The following SUCLG2 variants were observed in gnomAD, a reference collection of about 807,000 sequenced individuals.
SUCLG2 encodes the protein succinate-CoA ligase GDP-forming subunit beta, also known as succinate--CoA ligase [GDP-forming] subunit beta, mitochondrial.
In SUCLG2, 42 loss-of-function variants were observed where a neutral mutation model predicts 47.9. The observed-to-expected ratio is 0.88, with a 90% CI of 0.69 to 1.14. The LOEUF (loss-of-function observed/expected upper bound fraction) is 1.14. Among genes scored for constraint, SUCLG2 ranks in the 50% most tolerant of loss-of-function variants. SUCLG2 has a pLI of 0.00. For synonymous variants in SUCLG2, 195 were observed against 197.3 expected, an observed-to-expected ratio of 0.99 and a Z score of 0.10; for missense variants, 571 against 525.9, an observed-to-expected ratio of 1.09 and a Z score of -0.84.
intron 1 of SUCLG2, among the ~76,000 whole-genome samples, chr3:67,611,941 G>A (rs1199017605): frequency 1.3e-5 from 2 of 152,072 alleles, no homozygotes; most frequent in East Asian, 1.9e-4. Flanking sequence ...GATGACACCC[G>A]GCTATCACTC....
chr3:67,451,520 C>T (rs4515061), intron 9 of SUCLG2, among the ~76,000 whole-genome samples: 87,728 of 151,942 alleles, frequency 0.58, 25,488 homozygotes, highest in Non-Finnish European at 0.59. Flanking sequence ...AGGCTAGGTA[C>T]AGGCAAATTC....
chr3:67,491,460 G>A (rs1313356588), intron 9 of SUCLG2, among the ~76,000 whole-genome samples: 6 of 149,756 alleles, frequency 4.0e-5, no homozygotes, highest in Non-Finnish European at 7.4e-5. Context: ...CGCCTCCTGC[G>A]TTCAAGCAAT....
At chr3:67,579,425 C>T (rs1050558172) in intron 2 of SUCLG2, among the ~76,000 whole-genome samples, 1 of 152,200 alleles carries the variant, frequency 6.6e-6, no homozygotes, top group African/African-American at 2.4e-5. Context: ...TAATCATAGG[C>T]TAACACCCTG....
intron 9 of SUCLG2, among the ~76,000 whole-genome samples, chr3:67,466,896 A>T (rs1021339121): frequency 6.6e-6 from 1 of 152,266 alleles, no homozygotes; most frequent in African/African-American, 2.4e-5. Flanking sequence ...CTGCTTACAA[A>T]GGGAGGCAGC....
intron 10 of SUCLG2, among the ~76,000 whole-genome samples, chr3:67,369,010 AGAAAACTCTTCACT>A (rs1701915942): frequency 1.3e-5 from 2 of 152,164 alleles, no homozygotes; most frequent in Admixed American, 6.6e-5. Context: ...CATTTTGGGT[AGAAAACTCTTCACT>A]GAGGGTGGGG....
At chr3:67,609,871 A>G (rs1700497314) in intron 1 of SUCLG2, among the ~76,000 whole-genome samples, 2 of 152,224 alleles carry the variant, frequency 1.3e-5, no homozygotes, top group African/African-American at 4.8e-5. Flanking sequence ...TAATACACAA[A>G]TATCAATGTC....
chr3:67,591,132 C>A (rs1227235178), intron 2 of SUCLG2, among the ~76,000 whole-genome samples: 1 of 152,140 alleles, frequency 6.6e-6, no homozygotes, highest in East Asian at 1.9e-4. Flanking sequence ...AAATATACCC[C>A]TGGGGCTGTT....
intron 1 of SUCLG2, among the ~76,000 whole-genome samples, chr3:67,636,729 C>A (rs1441531415): frequency 6.6e-6 from 1 of 151,958 alleles, no homozygotes; most frequent in African/African-American, 2.4e-5. Context: ...ATCTCCTGAC[C>A]TCGTGATCTG....
At chr3:67,408,114 C>A (rs1009464139) in intron 9 of SUCLG2, among the ~76,000 whole-genome samples, 1 of 152,116 alleles carries the variant, frequency 6.6e-6, no homozygotes, top group Non-Finnish European at 1.5e-5. Context: ...TCGATTGGGA[C>A]CAGATTTGCC....
At position 67,577,513 on chromosome 3, in the gene SUCLG2, G is replaced by A. The variant is rs538608507; in HGVS notation, c.226+31942C>T. Among the ~76,000 whole-genome samples the A allele has an allele frequency of 7.2e-5, 11 of 152,268 alleles. No homozygotes were observed. The South Asian group carries it at 2.1e-3, about 29-fold the overall frequency. On this transcript the variant is annotated intron_variant, in intron 2 of 10. Coordinates refer to ENST00000307227, the MANE Select transcript of SUCLG2 (RefSeq NM_003848.4). ...ATGGAAATGACACAGGAGGAGAGCT[G>A]ATGTAAACATTAAATTTTCACAGCT...
At chr3:67,521,903 G>A (rs2107131760) in intron 4 of SUCLG2, among the ~76,000 whole-genome samples, 1 of 152,118 alleles carries the variant, frequency 6.6e-6, no homozygotes, top group African/African-American at 2.4e-5. Flanking sequence ...ACAGAGGTAA[G>A]CCACCACGCC....
intron 9 of SUCLG2, among the ~76,000 whole-genome samples, chr3:67,448,169 A>G (rs1410103609): frequency 7.9e-5 from 12 of 152,230 alleles, no homozygotes; most frequent in Admixed American, 4.6e-4. Context: ...AAAATCCCCA[A>G]AAAACTATGA....
chr3:67,582,001 G>C (rs1280476019), intron 2 of SUCLG2, among the ~76,000 whole-genome samples: 7 of 152,154 alleles, frequency 4.6e-5, no homozygotes, highest in Admixed American at 4.6e-4. Context: ...TAGGAACTCT[G>C]TTTAGTTCTC....
chr3:67,611,317 G>T (rs1700523227), intron 1 of SUCLG2, among the ~76,000 whole-genome samples: 1 of 152,072 alleles, frequency 6.6e-6, no homozygotes, highest in African/African-American at 2.4e-5. Context: ...AAAATAAATT[G>T]TCAGACAAGC....
chr3:67,532,751 G>A (rs1209572220), intron 2 of SUCLG2, among the ~76,000 whole-genome samples: 1 of 152,144 alleles, frequency 6.6e-6, no homozygotes, highest in Non-Finnish European at 1.5e-5. Flanking sequence ...TATCACTTAA[G>A]AGAACAATAT....
intron 1 of SUCLG2, among the ~76,000 whole-genome samples, chr3:67,619,242 C>T (rs1245398126): frequency 1.3e-5 from 2 of 152,114 alleles, no homozygotes; most frequent in African/African-American, 4.8e-5. Context: ...CTGTGTTATT[C>T]CACTTGGAAA....
At chr3:67,407,288 CCTT>C (rs1392696360) in intron 9 of SUCLG2, among the ~76,000 whole-genome samples, 2 of 152,178 alleles carry the variant, frequency 1.3e-5, no homozygotes, top group African/African-American at 4.8e-5. Flanking sequence ...CATCACCCCT[CCTT>C]CTTCATGTCA....
At chr3:67,554,259 A>G (rs1408240222) in intron 2 of SUCLG2, among the ~76,000 whole-genome samples, 4 of 152,196 alleles carry the variant, frequency 2.6e-5, no homozygotes, top group Admixed American at 6.5e-5. Flanking sequence ...TGGCAGAGAG[A>G]AGTCAGCTAC....
intron 2 of SUCLG2, among the ~76,000 whole-genome samples, chr3:67,563,174 C>A (rs941518673): frequency 4.6e-5 from 7 of 151,660 alleles, no homozygotes; most frequent in African/African-American, 1.5e-4. Context: ...CCCAATACCA[C>A]AGAATCTGAC....
Sources: gnomAD v4.1 joint callset for allele counts (sites outside exome capture counted in the v4.1 genomes callset) on GRCh38, gnomAD v4.1.1 for gene constraint, MANE v1.5 for transcripts, NCBI Gene and HGNC (gene_info 2026-07-23, HGNC 2026-07-21) for gene names.